RBL2: variants seen among roughly 807,000 people sequenced by gnomAD.
RBL2 encodes the protein RB transcriptional corepressor like 2.
In RBL2, 56 loss-of-function variants were observed where a neutral mutation model predicts 126.0. The ratio of observed to expected loss-of-function variants is 0.44; its 90% CI spans 0.36 to 0.56. RBL2 has a LOEUF of 0.56. RBL2 is among the 20% of genes least tolerant of loss of function. RBL2 has a pLI of 0.00. For missense variants in RBL2, 1,229 were observed against 1,398.2 expected (o/e 0.88, Z 1.93); for synonymous variants, 454 against 478.5 (o/e 0.95, Z 0.67).
intron 14 of RBL2, 134 bp from the exon 15 acceptor site, chr16:53,469,782 T>C (rs1385650313): frequency 9.2e-6 from 10 of 1,090,106 alleles, no homozygotes; most frequent in Admixed American, 8.5e-5. Context: ...ATATGACTTC[T>C]GTAATTCTTG....
intron 18 of RBL2, chr16:53,479,541 A>AGAAT: frequency 4.3e-6 from 2 of 463,172 alleles, no homozygotes; most frequent in Non-Finnish European, 3.8e-6. Flanking sequence ...TTTAACCAAC[A>AGAAT]GAATGTCACA....
chr16:53,459,651 G>C lies in RBL2; in HGVS notation c.1346+34G>C, dbSNP rs141289378. On this transcript the variant is annotated intron_variant, in intron 9 of 21. Coordinates refer to ENST00000262133, the MANE Select transcript of RBL2 (RefSeq NM_005611.4). ...GAGCCCTGTCTGCTTTCTAAGATTTGGTTATTGACCATTTTCCAATTTCCT... is the reference window on the plus strand; with the variant it reads ...GAGCCCTGTCTGCTTTCTAAGATTTCGTTATTGACCATTTTCCAATTTCCT... The C allele has an allele frequency of 4.7e-6, 7 of 1,489,184 alleles. No individual in the cohort carries two copies. In the African/African-American group the frequency reaches 5.7e-5, roughly 12 times the overall value. 92.2% of individuals were successfully genotyped at this position (1,489,184 alleles called of 1,614,324 possible). A position where few individuals can be genotyped will look rare whatever the true frequency, so the allele number is the denominator to read the frequency against.
chr16:53,479,737 A>G, intron 18 of RBL2, 149 bp from the exon 19 acceptor site: 1 of 584,064 alleles, frequency 1.7e-6, no homozygotes, highest in East Asian at 2.9e-5. Context: ...GATCTGTTAT[A>G]ATTTGAGTTA....
At position 53,490,357 on chromosome 16, in the gene RBL2, C is replaced by A; in HGVS notation, c.*57C>A. The stretch of plus-strand genomic sequence containing the variant: ...ATCTGTTTAGCAGCAGCCTTTAATG[C>A]ATCTAGATTATGGAGCTTTTTTCCT... On this transcript the variant is annotated 3_prime_UTR_variant, in exon 22 of 22. Coordinates refer to ENST00000262133, the MANE Select transcript of RBL2 (RefSeq NM_005611.4). 7.1e-7 allele frequency: 1 copy of A among 1,413,120 alleles called. No homozygotes were observed. The highest frequency in any genetic ancestry group is 1.5e-5 in the South Asian group (1 of 65,756). The allele number at this position is 1,413,120 out of a possible 1,614,324, so 87.5% of individuals were successfully genotyped here.
Position 53,490,190 on chromosome 16 carries a change from A to G in RBL2, c.3310A>G (p.Ile1104Val), listed in dbSNP as rs879846607. 27 of 1,612,048 alleles carry G rather than the reference A, an allele frequency of 1.7e-5. No homozygotes were observed. Among genetic ancestry groups the G allele is most frequent in the Non-Finnish European group, 2.3e-5 (27 of 1,178,580 alleles). The change falls in exon 22 of 22, where the codon ATT becomes GTT. Residue 1104 changes from isoleucine to valine, a missense_variant. This residue lies in a region of RBL2 where 1,070 missense variants were observed against 1,274.3 expected (regional missense o/e 0.84). Coordinates refer to ENST00000262133, the MANE Select transcript of RBL2 (RefSeq NM_005611.4). ...AGAAACTCCTACTAAAAAGAGAGGA[A>G]TTCTTTTGGAAGATGGAAGTGAATC... ...TGETPTKKRG[I>V]LLEDGSESPA...
intron 21 of RBL2, chr16:53,489,691 C>G (rs1265336380): frequency 6.6e-6 from 1 of 152,316 alleles, no homozygotes; most frequent in Non-Finnish European, 1.5e-5. Context: ...CTAGTGAAAT[C>G]CCAGTTGAGA....
intron 1 of RBL2, chr16:53,435,824 T>C: frequency 8.6e-6 from 10 of 1,160,192 alleles, no homozygotes; most frequent in Non-Finnish European, 1.1e-5. Flanking sequence ...ATTAATAGAA[T>C]TTTAATTCAA....
At chr16:53,487,872 A>G (rs771380047) in intron 21 of RBL2, 2 of 152,246 alleles carry the variant, frequency 1.3e-5, no homozygotes, top group Non-Finnish European at 1.5e-5. Flanking sequence ...AGATTTGAAC[A>G]CACTTCACCC....
chr16:53,481,808 C>G lies in RBL2; in HGVS notation c.3222C>G (p.Phe1074Leu), dbSNP rs368670193. The G allele has an allele frequency of 2.5e-6, 4 of 1,589,672 alleles. No individual in the cohort carries two copies. The African/African-American group carries it at 5.4e-5, about 21-fold the overall frequency. The change falls in exon 21 of 22, where the codon TTC (phenylalanine) becomes TTG (leucine). Residue 1074 changes from phenylalanine to leucine, a missense_variant. Phe to Leu is a conservative substitution (Grantham distance 22). Around this residue, in one of 2 missense-constraint regions of RBL2, gnomAD observed 1,070 missense variants for 1,274.3 expected, o/e 0.84. Transcript: ENST00000262133. ...ETMLSPREKI[F>L]YYFSNSPSKR... ...TGCTTTCTCCTCGAGAAAAGATTTT[C>G]TATTACTTCAGCAACAGTCCTTCAA...
chr16:53,435,215 C>CA (rs1425672434), intron 1 of RBL2, among the ~76,000 whole-genome samples: 1 of 152,160 alleles, frequency 6.6e-6, no homozygotes, highest in Non-Finnish European at 1.5e-5. Context: ...GGTCTCCAGG[C>CA]GTCTCCGTCT....
chr16:53,434,593 C>A lies in RBL2; in HGVS notation c.37C>A (p.Pro13Thr). 1 of 1,547,008 alleles carries A rather than the reference C, an allele frequency of 6.5e-7. No homozygotes were observed. The change falls in exon 1 of 22, where the codon CCT becomes ACT. Residue 13 changes from proline (P) to threonine (T), a missense_variant. Physicochemically the swap from Pro to Thr is conservative, Grantham distance 38. Around this residue, in one of 2 missense-constraint regions of RBL2, gnomAD observed 159 missense variants for 123.9 expected, o/e 1.28. Transcript: ENST00000262133. ...AGGTGACCAGTCGCCACCGCCCCCGCCTCCCCCTCCGGCGGCGGCAGCCTC... is the reference window on the plus strand; with the variant it reads ...AGGTGACCAGTCGCCACCGCCCCCGACTCCCCCTCCGGCGGCGGCAGCCTC... ...SGGDQSPPPP[P>T]PPPAAAASDE... is the part of the protein sequence containing the mutation.
intron 1 of RBL2, among the ~76,000 whole-genome samples, chr16:53,436,396 C>T (rs915584153): frequency 2.6e-5 from 4 of 152,128 alleles, no homozygotes; most frequent in African/African-American, 4.8e-5. Flanking sequence ...TTACTCAATT[C>T]TTTTGATTAC....
intron 14 of RBL2, 137 bp downstream of exon 14, chr16:53,467,306 T>A (rs1161303856): frequency 4.5e-6 from 3 of 662,304 alleles, no homozygotes; most frequent in East Asian, 5.9e-5. Context: ...ATGGATCACT[T>A]AAAAGAAGGG....
intron 4 of RBL2, among the ~76,000 whole-genome samples, chr16:53,448,352 T>A (rs1218747082): frequency 6.6e-6 from 1 of 152,034 alleles, no homozygotes; most frequent in Non-Finnish European, 1.5e-5. Flanking sequence ...AGAGACGGAG[T>A]TTCACCATCT....
At chr16:53,440,417 A>G (rs1342503195) in intron 2 of RBL2, among the ~76,000 whole-genome samples, 1 of 152,220 alleles carries the variant, frequency 6.6e-6, no homozygotes, top group East Asian at 1.9e-4. Context: ...ATCTAGAATT[A>G]TATCAGGAAC....
chr16:53,470,288 G>A (rs989749037), intron 15 of RBL2, 95 bp from the exon 16 acceptor site: 2 of 1,560,912 alleles, frequency 1.3e-6, no homozygotes, highest in Non-Finnish European at 1.7e-6. Flanking sequence ...GGAGTGATGG[G>A]GAGAGAGGGT....
At chr16:53,435,343 C>T (rs1487282789) in intron 1 of RBL2, among the ~76,000 whole-genome samples, 1 of 152,022 alleles carries the variant, frequency 6.6e-6, no homozygotes, top group East Asian at 1.9e-4. Context: ...ATACTCATTT[C>T]CCCCCAGGCC....
At chr16:53,469,828 T>C (rs1467810219) in intron 14 of RBL2, 88 bp from the exon 15 acceptor site, 2 of 1,369,950 alleles carry the variant, frequency 1.5e-6, no homozygotes, top group Non-Finnish European at 2.0e-6. Context: ...TCAAACACTG[T>C]AGTTATTTTT....
chr16:53,453,656 A>G, intron 6 of RBL2, 44 bp downstream of exon 6: 1 of 1,603,300 alleles, frequency 6.2e-7, no homozygotes, highest in Non-Finnish European at 8.5e-7. Flanking sequence ...TTTTCTGGAG[A>G]AAAACTTGAT....
Sources: gnomAD v4.1 joint callset for allele counts (sites outside exome capture counted in the v4.1 genomes callset) on GRCh38, gnomAD v4.1.1 for gene constraint, gnomAD v4.1.1 regional missense constraint, MANE v1.5 for transcripts, NCBI Gene and HGNC (gene_info 2026-07-23, HGNC 2026-07-21) for gene names.